The following CNTNAP2 variants were observed in gnomAD, a reference collection of about 807,000 sequenced individuals.
CNTNAP2 encodes contactin associated protein 2.
A neutral mutation model predicts 155.2 loss-of-function variants in CNTNAP2; 98 were observed. The ratio of observed to expected loss-of-function variants is 0.63; its 90% CI spans 0.54 to 0.75. The LOEUF is 0.75. Ranked by LOEUF, CNTNAP2 falls within the 30% of genes least tolerant of loss-of-function variation. CNTNAP2 has a pLI of 0.00. For missense variants in CNTNAP2, 1,727 were observed against 1,688.1 expected, an observed-to-expected ratio of 1.02 and a Z score of -0.40; for synonymous variants, 651 against 631.2, an observed-to-expected ratio of 1.03 and a Z score of -0.47.
chr7:148,385,742 T>TTTTGTTTGTTTGTTTGTTTG lies in CNTNAP2; in HGVS notation c.3715+1857_3715+1858insGTTTGTTTGTTTGTTTGTTT, dbSNP rs1368595218. Among the ~76,000 whole-genome samples the TTTTGTTTGTTTGTTTGTTTG allele has an allele frequency of 4.7e-3, 286 of 61,344 alleles. 1 individual carries two copies. The highest frequency in any genetic ancestry group is 0.015 in the African/African-American group (275 of 18,292). The allele number at this position is 61,344 out of a possible 152,430, so 40.2% of individuals were successfully genotyped here. On this transcript the variant is annotated intron_variant, in intron 22 of 23. Coordinates refer to ENST00000361727, the MANE Select transcript of CNTNAP2 (RefSeq NM_014141.6). ...CATGCTTTGAGTGTGACAGGTTTTT[T>TTTTGTTTGTTTGTTTGTTTG]TTTTTTTTTTTTTTTTTTGGAGACA...
intron 13 of CNTNAP2, among the ~76,000 whole-genome samples, chr7:147,790,398 T>A (rs1797801861): frequency 6.6e-6 from 1 of 152,200 alleles, no homozygotes; most frequent in Non-Finnish European, 1.5e-5. Flanking sequence ...CAGAGTTCAG[T>A]AAGTATTTGT....
At chr7:147,304,394 G>C (rs1344341996) in intron 9 of CNTNAP2, among the ~76,000 whole-genome samples, 3 of 152,078 alleles carry the variant, frequency 2.0e-5, no homozygotes, top group African/African-American at 7.2e-5. Context: ...TTTACCTATT[G>C]ACTGTTTACG....
chr7:148,395,407 G>A (rs1483752455), intron 22 of CNTNAP2, among the ~76,000 whole-genome samples: 2 of 151,814 alleles, frequency 1.3e-5, no homozygotes, highest in Non-Finnish European at 1.5e-5. Flanking sequence ...CCCCAGCCCC[G>A]CCTCCAGGAC....
chr7:148,194,616 G>A (rs1042880620), intron 18 of CNTNAP2, among the ~76,000 whole-genome samples: 1 of 152,142 alleles, frequency 6.6e-6, no homozygotes, highest in African/African-American at 2.4e-5. Context: ...AGCCCATGGT[G>A]TAATTCAGTC....
intron 1 of CNTNAP2, among the ~76,000 whole-genome samples, chr7:146,395,826 GGAGAGAGAGA>G (rs35033097): frequency 3.4e-5 from 4 of 116,848 alleles, no homozygotes; most frequent in African/African-American, 8.9e-5. Flanking sequence ...GATAGATAGA[GGAGAGAGAGA>G]GAGAGAGAGA....
chr7:146,643,856 C>T (rs1215692810), intron 1 of CNTNAP2, among the ~76,000 whole-genome samples: 2 of 151,352 alleles, frequency 1.3e-5, no homozygotes, highest in Non-Finnish European at 3.0e-5. Context: ...GTTTGTAGTT[C>T]TCCTTGAAGA....
At chr7:147,271,892 ATCATTATTACTACTTT>A (rs773437451) in intron 8 of CNTNAP2, among the ~76,000 whole-genome samples, 2 of 152,040 alleles carry the variant, frequency 1.3e-5, no homozygotes, top group Non-Finnish European at 2.9e-5. Flanking sequence ...TGAAATTATT[ATCATTATTACTACTTT>A]TGAGATGGAG....
At chr7:146,813,818 C>G (rs751966942) in intron 2 of CNTNAP2, among the ~76,000 whole-genome samples, 5 of 152,048 alleles carry the variant, frequency 3.3e-5, no homozygotes, top group Admixed American at 1.3e-4. Context: ...ATGGGAGAGA[C>G]CCGGTGGGAA....
At chr7:147,055,451 G>C (rs1488529851) in intron 4 of CNTNAP2, among the ~76,000 whole-genome samples, 2 of 150,446 alleles carry the variant, frequency 1.3e-5, no homozygotes, top group East Asian at 3.9e-4. Context: ...ACCTTGCTTT[G>C]CTTGTCCCTC....
At chr7:146,988,832 A>G (rs978656063) in intron 3 of CNTNAP2, among the ~76,000 whole-genome samples, 1 of 152,158 alleles carries the variant, frequency 6.6e-6, no homozygotes, top group Non-Finnish European at 1.5e-5. Flanking sequence ...GCAATACTCA[A>G]AGTAGGAATT....
intron 1 of CNTNAP2, among the ~76,000 whole-genome samples, chr7:146,367,788 T>C (rs984137320): frequency 3.3e-5 from 5 of 152,154 alleles, no homozygotes; most frequent in African/African-American, 1.2e-4. Context: ...TTATATACTA[T>C]GTATATGAAT....
At chr7:146,354,094 C>A (rs1203944052) in intron 1 of CNTNAP2, among the ~76,000 whole-genome samples, 2 of 152,146 alleles carry the variant, frequency 1.3e-5, no homozygotes, top group African/African-American at 4.8e-5. Flanking sequence ...CTCCAGAACT[C>A]TGTGCTCCAC....
intron 15 of CNTNAP2, among the ~76,000 whole-genome samples, chr7:148,071,544 G>A (rs1270548058): frequency 6.6e-6 from 1 of 152,132 alleles, no homozygotes; most frequent in African/African-American, 2.4e-5. Flanking sequence ...AACAGCAGAA[G>A]GAGAAAGTAA....
rs138256979 is a variant in CNTNAP2 at position 148,367,731 on chromosome 7, G to A, written c.3476-15918G>A. On this transcript the variant is annotated intron_variant, in intron 21 of 23. Transcript: ENST00000361727. The stretch of plus-strand genomic sequence containing the variant: ...CATATTTTAGAGGCGAGATTAATGC[G>A]ATCGCCCCATAAAATATTTTAAGCT... Among the ~76,000 whole-genome samples, 601 of 152,040 alleles carry A rather than the reference G, an allele frequency of 4.0e-3. 5 individuals carry two copies. Among genetic ancestry groups the A allele is most frequent in the African/African-American group, 0.014 (565 of 41,468 alleles).
intron 10 of CNTNAP2, among the ~76,000 whole-genome samples, chr7:147,454,954 G>A (rs1275737743): frequency 6.6e-6 from 1 of 152,054 alleles, no homozygotes; most frequent in Non-Finnish European, 1.5e-5. Flanking sequence ...ACAGGATCAT[G>A]GTCTTTAATC....
intron 14 of CNTNAP2, among the ~76,000 whole-genome samples, chr7:147,925,157 A>G (rs1278182019): frequency 1.8e-5 from 1 of 55,858 alleles, no homozygotes; most frequent in Admixed American, 1.8e-4. Context: ...GAGAGAGAGA[A>G]GGAAGGAAGG....
intron 15 of CNTNAP2, among the ~76,000 whole-genome samples, chr7:148,020,599 T>A (rs879322297): frequency 2.6e-5 from 4 of 152,214 alleles, no homozygotes; most frequent in Non-Finnish European, 5.9e-5. Flanking sequence ...TTGGGAGGAC[T>A]AAGTGAATAA....
intron 20 of CNTNAP2, 146 bp from the exon 21 acceptor site, chr7:148,266,887 C>A: frequency 1.3e-6 from 1 of 757,210 alleles, no homozygotes; most frequent in Non-Finnish European, 2.3e-6. Flanking sequence ...TCCATTTTCT[C>A]GGGGTGGTGT....
intron 8 of CNTNAP2, among the ~76,000 whole-genome samples, chr7:147,227,236 A>C (rs140997371): frequency 6.6e-6 from 1 of 152,272 alleles, no homozygotes; most frequent in Non-Finnish European, 1.5e-5. Context: ...CAAGAAGATA[A>C]AGGAAGCCCT....
Sources: gnomAD v4.1 joint callset for allele counts (sites outside exome capture counted in the v4.1 genomes callset) on GRCh38, gnomAD v4.1.1 for gene constraint, MANE v1.5 for transcripts, NCBI Gene and HGNC (gene_info 2026-07-23, HGNC 2026-07-21) for gene names.